Variants in CFAP77 observed in about 807,000 individuals in gnomAD.
The protein encoded by CFAP77 is cilia and flagella associated protein 77, also known as cilia- and flagella-associated protein 77.
In CFAP77, 25 loss-of-function variants were observed where a neutral mutation model predicts 31.1. The ratio of observed to expected loss-of-function variants is 0.80; its 90% CI spans 0.59 to 1.12. CFAP77 has a LOEUF of 1.12. Ranked by LOEUF, CFAP77 falls within the 50% of genes most tolerant of loss-of-function variation. CFAP77 has a pLI of 0.00. For synonymous variants in CFAP77, 151 were observed against 159.9 expected, an observed-to-expected ratio of 0.94 and a Z score of 0.42; for missense variants, 377 against 397.3, an observed-to-expected ratio of 0.95 and a Z score of 0.44.
At chr9:132,488,053 G>C (rs1851592621) in intron 1 of CFAP77, among the ~76,000 whole-genome samples, 1 of 152,146 alleles carries the variant, frequency 6.6e-6, no homozygotes, top group Non-Finnish European at 1.5e-5. Flanking sequence ...CAGGCAACAG[G>C]ATTTCATATA....
chr9:132,476,291 T>C (rs565325), intron 1 of CFAP77, among the ~76,000 whole-genome samples: 81,552 of 151,794 alleles, frequency 0.54, 23,001 homozygotes, highest in African/African-American at 0.72. Flanking sequence ...TTACTCACTG[T>C]GTCCCATACC....
chr9:132,545,931 T>C lies in CFAP77; in HGVS notation c.732+2884T>C, dbSNP rs1016978549. On this transcript the variant is annotated intron_variant, in intron 5 of 5. Coordinates refer to ENST00000393216, the MANE Select transcript of CFAP77 (RefSeq NM_001282957.2). This position sits in a 1 kb window ranked among gnomAD's most constrained non-coding sequence, Gnocchi z 4.6. ...CCATTCTCACCACCAAGGGATCCTT[T>C]CTTCCCCTTCACGGCACTTAACTCT... 1.4e-4 allele frequency among the ~76,000 whole-genome samples: 22 copies of C among 152,154 alleles called. No individual in the cohort carries two copies. The highest frequency in any genetic ancestry group is 2.8e-4 in the Non-Finnish European group (19 of 68,038).
At chr9:132,479,326 C>G (rs946720544) in intron 1 of CFAP77, among the ~76,000 whole-genome samples, 2 of 152,148 alleles carry the variant, frequency 1.3e-5, no homozygotes, top group Non-Finnish European at 2.9e-5. Context: ...GACCTTTTCC[C>G]CCATAGTTCA....
intron 4 of CFAP77, among the ~76,000 whole-genome samples, chr9:132,540,812 C>T (rs1047171215): frequency 3.3e-5 from 5 of 152,036 alleles, no homozygotes; most frequent in African/African-American, 9.7e-5. Context: ...GAATGAGGGT[C>T]GCATAACCTG....
Position 132,481,959 on chromosome 9 carries a change from TGGGG to T in CFAP77, c.196-16725_196-16722del, listed in dbSNP as rs59722731. 6.1e-3 allele frequency among the ~76,000 whole-genome samples: 709 copies of T among 115,828 alleles called. 4 individuals carry two copies. The highest frequency in any genetic ancestry group is 0.019 in the African/African-American group (669 of 35,152). The allele number at this position is 115,828 out of a possible 152,430, so 76.0% of individuals were successfully genotyped here. On this transcript the variant is annotated intron_variant, in intron 1 of 5. Coordinates refer to ENST00000393216, the MANE Select transcript of CFAP77 (RefSeq NM_001282957.2). The surrounding 1 kb of genome is among the most constrained non-coding windows in gnomAD (Gnocchi z 5.0). ...TCAGGAAGGAACAAGGGTTTATGGT[TGGGG>T]GGGGGGGGGGCGGCGGAACACTGAA...
At chr9:132,475,768 C>A (rs1489593645) in intron 1 of CFAP77, among the ~76,000 whole-genome samples, 2 of 152,220 alleles carry the variant, frequency 1.3e-5, no homozygotes, top group African/African-American at 4.8e-5. Context: ...GAGTGCAGAA[C>A]CAGACTCCTG....
chr9:132,510,844 A>G (rs777528904), intron 3 of CFAP77, among the ~76,000 whole-genome samples: 2 of 152,182 alleles, frequency 1.3e-5, no homozygotes, highest in African/African-American at 2.4e-5. Context: ...GCTAGACACC[A>G]TGCTGGGTGC....
intron 1 of CFAP77, among the ~76,000 whole-genome samples, chr9:132,437,503 ATTTTTTTTTTTTT>A (rs763301010): frequency 2.2e-5 from 2 of 90,468 alleles, no homozygotes; most frequent in African/African-American, 9.2e-5. Flanking sequence ...CCACTTTTGC[ATTTTTTTTTTTTT>A]TTTTTTTTTT....
chr9:132,505,320 G>A (rs1038527972), intron 3 of CFAP77, among the ~76,000 whole-genome samples: 3 of 152,220 alleles, frequency 2.0e-5, no homozygotes, highest in African/African-American at 7.2e-5. Context: ...GGGATGCAAA[G>A]CCGAATTTAG....
intron 5 of CFAP77, among the ~76,000 whole-genome samples, chr9:132,547,883 A>T (rs1852758977): frequency 6.6e-6 from 1 of 151,998 alleles, no homozygotes; most frequent in African/African-American, 2.4e-5. Context: ...AGACACCCCC[A>T]CTTGCCCAGG....
chr9:132,524,463 A>T (rs922731068), intron 3 of CFAP77, among the ~76,000 whole-genome samples: 2 of 151,604 alleles, frequency 1.3e-5, no homozygotes, highest in African/African-American at 4.8e-5. Flanking sequence ...AAATACAAAA[A>T]TTAGCCAGGC....
At chr9:132,553,843 GTGACTGAAAC>G (rs1319353583) in intron 5 of CFAP77, among the ~76,000 whole-genome samples, 1 of 152,240 alleles carries the variant, frequency 6.6e-6, no homozygotes, top group Non-Finnish European at 1.5e-5. Flanking sequence ...AAATAAAATT[GTGACTGAAAC>G]TGTCTATCAA....
chr9:132,519,250 AGGTGGATGGATGAGTGAGTGGGTG>A lies in CFAP77; in HGVS notation c.525-18338_525-18315del, dbSNP rs1387411589. 8.9e-4 allele frequency among the ~76,000 whole-genome samples: 46 copies of A among 51,410 alleles called. No homozygotes were observed. The East Asian group carries it at 0.028, about 31-fold the overall frequency. The allele number at this position is 51,410 out of a possible 152,430, so 33.7% of individuals were successfully genotyped here. ...TGGATGGTTGGGTGGATGGATGGAT[AGGTGGATGGATGAGTGAGTGGGTG>A]GGTGGATGGATGGGTGGATGGATGA... On this transcript the variant is annotated intron_variant, in intron 3 of 5. Transcript: ENST00000393216.
Position 132,572,495 on chromosome 9 carries a change from C to A in CFAP77, c.840C>A (p.Asn280Lys), listed in dbSNP as rs1179660413. The change falls in exon 6 of 6, where the codon AAC (asparagine) becomes AAA (lysine). Residue 280 changes from asparagine (N) to lysine (K), a missense_variant. Physicochemically the swap from Asn to Lys is moderately conservative, Grantham distance 94. Coordinates refer to ENST00000393216, the MANE Select transcript of CFAP77 (RefSeq NM_001282957.2). ...GCCAGGGGACCCTGCGGATGGGCAA[C>A]TACACCCACCCCTAGCCCCTCCCTC... ...AVRQGTLRMG[N>K]YTHP 5 of 1,607,010 alleles carry A rather than the reference C, an allele frequency of 3.1e-6. No individual in the cohort carries two copies. The highest frequency in any genetic ancestry group is 3.3e-5 in the Admixed American group (2 of 59,972).
At chr9:132,566,275 G>A (rs1041758580) in intron 5 of CFAP77, among the ~76,000 whole-genome samples, 2 of 152,214 alleles carry the variant, frequency 1.3e-5, no homozygotes, top group African/African-American at 2.4e-5. Flanking sequence ...AGCTCGTGAC[G>A]AAGGGCTTGG....
rs1209114988 is a variant in CFAP77, at chr9:132,498,837, G to A, written c.295+43G>A. On this transcript the variant is annotated intron_variant, in intron 2 of 5. Transcript: ENST00000393216. This position sits in a 1 kb window ranked among gnomAD's most constrained non-coding sequence, Gnocchi z 4.2. ...GAGCATGAGGGCAGAGGAGTGGGAG[G>A]GAGGCTCACCCCTCTTCACAGACCC... The A allele has an allele frequency of 1.4e-6, 2 of 1,407,302 alleles. No individual in the cohort carries two copies. Among genetic ancestry groups the A allele is most frequent in the Admixed American group, 3.8e-5 (2 of 53,032 alleles). The allele number at this position is 1,407,302 out of a possible 1,614,324, so 87.2% of individuals were successfully genotyped here.
At chr9:132,422,491 T>A (rs1237342560) in intron 1 of CFAP77, among the ~76,000 whole-genome samples, 1 of 152,058 alleles carries the variant, frequency 6.6e-6, no homozygotes, top group African/African-American at 2.4e-5. Flanking sequence ...CAGTGAAGAG[T>A]TACTGGAAGT....
At position 132,481,959 on chromosome 9, in the gene CFAP77, T is replaced by G. The variant is rs200959572; in HGVS notation, c.196-16736T>G. On this transcript the variant is annotated intron_variant, in intron 1 of 5. Transcript: ENST00000393216. This position sits in a 1 kb window ranked among gnomAD's most constrained non-coding sequence, Gnocchi z 5.0. ...TCAGGAAGGAACAAGGGTTTATGGT[T>G]GGGGGGGGGGGGGGCGGCGGAACAC... is the stretch of plus-strand genomic sequence containing the variant. Among the ~76,000 whole-genome samples the G allele has an allele frequency of 1.8e-3, 204 of 115,740 alleles. 1 individual carries two copies. The highest frequency in any genetic ancestry group is 2.7e-3 in the South Asian group (7 of 2,594). The allele number at this position is 115,740 out of a possible 152,430, so 75.9% of individuals were successfully genotyped here. A position where few individuals can be genotyped will look rare whatever the true frequency, so the allele number is the denominator to read the frequency against.
chr9:132,560,421 C>T (rs17149282), intron 5 of CFAP77, among the ~76,000 whole-genome samples: 34,431 of 152,162 alleles, frequency 0.23, 4,893 homozygotes, highest in East Asian at 0.31. Flanking sequence ...CACACCCCAC[C>T]TTGGGACTGG....
Sources: gnomAD v4.1 joint callset for allele counts (sites outside exome capture counted in the v4.1 genomes callset) on GRCh38, gnomAD v4.1.1 for gene constraint, Gnocchi (gnomAD v3.1) non-coding constraint, MANE v1.5 for transcripts, NCBI Gene and HGNC (gene_info 2026-07-23, HGNC 2026-07-21) for gene names.